CTNNA2: variants seen among roughly 807,000 people sequenced by gnomAD.
The protein encoded by CTNNA2 is catenin alpha 2.
In CTNNA2, 42 loss-of-function variants were observed where a neutral mutation model predicts 101.0. The ratio of observed to expected loss-of-function variants is 0.42; its 90% confidence interval spans 0.32 to 0.54. The LOEUF (loss-of-function observed/expected upper bound fraction) is 0.54, where lower values mean the gene tolerates loss of function less well. Ranked by LOEUF, CTNNA2 falls within the 20% of genes least tolerant of loss-of-function variation. The pLI, the probability that CTNNA2 is intolerant of heterozygous loss-of-function variation, is 0.14. For missense variants in CTNNA2, 871 were observed against 1,223.1 expected (o/e 0.71, Z 4.29); for synonymous variants, 450 against 456.4 (o/e 0.99, Z 0.18).
At chr2:79,848,533 A>G (rs1416995415) in intron 3 of CTNNA2, among the ~76,000 whole-genome samples, 2 of 152,162 alleles carry the variant, frequency 1.3e-5, no homozygotes, top group African/African-American at 4.8e-5. Flanking sequence ...AAATTACCCT[A>G]CACCCTCTTC....
intron 2 of CTNNA2, among the ~76,000 whole-genome samples, chr2:79,718,981 G>A (rs2104851501): frequency 6.6e-6 from 1 of 152,090 alleles, no homozygotes; most frequent in South Asian, 2.1e-4. Context: ...TGGGTATATT[G>A]CTTCCAGGTA....
chr2:80,306,533 G>T (rs891921713), intron 7 of CTNNA2, among the ~76,000 whole-genome samples: 1 of 150,670 alleles, frequency 6.6e-6, no homozygotes, highest in African/African-American at 2.4e-5. Context: ...CCTAACTCTG[G>T]ATCAGGCATT....
intron 4 of CTNNA2, among the ~76,000 whole-genome samples, chr2:79,864,817 A>G (rs771002997): frequency 7.9e-5 from 12 of 152,186 alleles, no homozygotes; most frequent in Non-Finnish European, 1.3e-4. Context: ...CCAGGCTCCT[A>G]CACTTACTTG....
rs763079688 is a variant in CTNNA2, at chr2:80,604,287, C to A, written c.2295+108C>A. 4.3e-5 allele frequency: 34 copies of A among 790,332 alleles called. No homozygotes were observed. In the Middle Eastern group the frequency reaches 9.1e-4, roughly 21 times the overall value. 49.0% of individuals were successfully genotyped at this position (790,332 alleles called of 1,614,324 possible). On this transcript the variant is annotated intron_variant, in intron 16 of 18. Transcript: ENST00000402739. ...TATAAAATGCCTCTGAAGAATGAATCAGAGGGGAGAATCACTGATATTTTA... is the reference window on the plus strand; with the variant it reads ...TATAAAATGCCTCTGAAGAATGAATAAGAGGGGAGAATCACTGATATTTTA...
intron 6 of CTNNA2, among the ~76,000 whole-genome samples, chr2:79,884,996 G>A (rs571425998): frequency 1.3e-5 from 2 of 152,106 alleles, no homozygotes; most frequent in African/African-American, 2.4e-5. Context: ...TATCCCAGTT[G>A]TAGGCTTCTC....
chr2:79,972,564 C>T (rs888146293), intron 7 of CTNNA2, among the ~76,000 whole-genome samples: 1 of 152,120 alleles, frequency 6.6e-6, no homozygotes, highest in African/African-American at 2.4e-5. Flanking sequence ...CACGTCTTTA[C>T]GTCTAGGTGC....
intron 7 of CTNNA2, among the ~76,000 whole-genome samples, chr2:80,227,910 T>A (rs1708981306): frequency 6.6e-6 from 1 of 152,104 alleles, no homozygotes; most frequent in East Asian, 1.9e-4. Context: ...AGTTATTGTG[T>A]GATCTAGATA....
intron 4 of CTNNA2, among the ~76,000 whole-genome samples, chr2:79,463,741 C>T (rs116966994): frequency 6.6e-6 from 1 of 152,064 alleles, no homozygotes; most frequent in South Asian, 2.1e-4. Context: ...TCTGAGATCT[C>T]GAGAGTGGAA....
At chr2:79,920,935 G>T (rs1414770668) in intron 7 of CTNNA2, among the ~76,000 whole-genome samples, 1 of 151,740 alleles carries the variant, frequency 6.6e-6, no homozygotes, top group African/African-American at 2.4e-5. Context: ...TTAAGGATGT[G>T]TCTGAGGGCT....
At chr2:80,440,166 A>AT (rs1264956591) in intron 9 of CTNNA2, among the ~76,000 whole-genome samples, 4 of 152,144 alleles carry the variant, frequency 2.6e-5, no homozygotes, top group African/African-American at 9.7e-5. Flanking sequence ...GAAAGGATTG[A>AT]TTTTGGTGTT....
At chr2:80,008,666 G>A (rs1693551819) in intron 7 of CTNNA2, among the ~76,000 whole-genome samples, 1 of 152,194 alleles carries the variant, frequency 6.6e-6, no homozygotes, top group South Asian at 2.1e-4. Context: ...TTGTATCCTA[G>A]CCCTGCCGCT....
At chr2:79,900,798 A>T (rs529715214) in intron 6 of CTNNA2, among the ~76,000 whole-genome samples, 5 of 152,236 alleles carry the variant, frequency 3.3e-5, no homozygotes, top group Admixed American at 3.3e-4. Context: ...CTAAAAGAGT[A>T]TAATGGGAAT....
intron 7 of CTNNA2, among the ~76,000 whole-genome samples, chr2:80,357,547 G>A (rs1673958349): frequency 6.6e-6 from 1 of 151,986 alleles, no homozygotes; most frequent in Admixed American, 6.6e-5. Flanking sequence ...GATGGAACTG[G>A]TTCTTCTTCC....
intron 7 of CTNNA2, among the ~76,000 whole-genome samples, chr2:80,031,750 C>T (rs1695304808): frequency 6.6e-6 from 1 of 152,172 alleles, no homozygotes; most frequent in Non-Finnish European, 1.5e-5. Context: ...CTATATAATT[C>T]AACATGCATA....
intron 1 of CTNNA2, among the ~76,000 whole-genome samples, chr2:79,650,867 A>G (rs2104472105): frequency 7.2e-6 from 1 of 139,124 alleles, no homozygotes; most frequent in African/African-American, 2.7e-5. Flanking sequence ...ATTCCCACCT[A>G]TGAGTGAGAA....
At chr2:80,311,607 C>G (rs1677595854) in intron 7 of CTNNA2, among the ~76,000 whole-genome samples, 1 of 152,088 alleles carries the variant, frequency 6.6e-6, no homozygotes, top group South Asian at 2.1e-4. Flanking sequence ...GCTGGCCAGC[C>G]AAATTATTTT....
chr2:79,847,009 T>A (rs973205011), intron 3 of CTNNA2, among the ~76,000 whole-genome samples: 1 of 152,344 alleles, frequency 6.6e-6, no homozygotes, highest in African/African-American at 2.4e-5. Context: ...AGATATTTAA[T>A]ATTTGGAAAC....
At chr2:80,261,019 G>C (rs1672566671) in intron 7 of CTNNA2, among the ~76,000 whole-genome samples, 1 of 152,152 alleles carries the variant, frequency 6.6e-6, no homozygotes, top group Non-Finnish European at 1.5e-5. Flanking sequence ...CTAAGTACCT[G>C]GTGGCACCAC....
intron 3 of CTNNA2, among the ~76,000 whole-genome samples, chr2:79,760,184 CTGAT>C (rs146134086): frequency 0.016 from 2,501 of 152,168 alleles, 49 homozygotes; most frequent in African/African-American, 0.055. Context: ...AAATCAGTGA[CTGAT>C]AGATAGAAAG....
Sources: gnomAD v4.1 joint callset for allele counts (sites outside exome capture counted in the v4.1 genomes callset) on GRCh38, gnomAD v4.1.1 for gene constraint, MANE v1.5 for transcripts, NCBI Gene and HGNC (gene_info 2026-07-23, HGNC 2026-07-21) for gene names.